MACROD2: variants seen among roughly 807,000 people sequenced by gnomAD.
The protein encoded by MACROD2 is mono-ADP ribosylhydrolase 2, also known as ADP-ribose glycohydrolase MACROD2.
MACROD2 carries 36 observed loss-of-function variants against 70.4 expected under a neutral mutation model. The ratio of observed to expected loss-of-function variants is 0.51; its 90% CI spans 0.39 to 0.68. MACROD2 has a LOEUF of 0.68. Ranked by LOEUF, MACROD2 falls within the 30% of genes least tolerant of loss-of-function variation. MACROD2 has a pLI of 0.00. For synonymous variants in MACROD2, 172 were observed against 178.8 expected (o/e 0.96, Z 0.30); for missense variants, 496 against 538.4 (o/e 0.92, Z 0.78).
At chr20:14,543,864 T>A (rs2085461343) in intron 4 of MACROD2, among the ~76,000 whole-genome samples, 1 of 152,228 alleles carries the variant, frequency 6.6e-6, no homozygotes, top group Admixed American at 6.5e-5. Context: ...TTCTCTTTCC[T>A]ATCAGTCTCC....
chr20:14,151,369 A>G (rs533165106), intron 3 of MACROD2, among the ~76,000 whole-genome samples: 83 of 152,192 alleles, frequency 5.5e-4, no homozygotes, highest in African/African-American at 1.6e-3. Context: ...TTTTGTGTGT[A>G]TAGTATTTTG....
At chr20:15,993,347 T>G (rs948535939) in intron 15 of MACROD2, among the ~76,000 whole-genome samples, 2 of 151,942 alleles carry the variant, frequency 1.3e-5, no homozygotes, top group Admixed American at 1.3e-4. Flanking sequence ...CCCATAAGAT[T>G]ATGATGCTAC....
At chr20:15,259,182 TAACAAC>T (rs145254296) in intron 6 of MACROD2, among the ~76,000 whole-genome samples, 2 of 151,280 alleles carry the variant, frequency 1.3e-5, no homozygotes, top group Admixed American at 6.6e-5. Context: ...GGTAATTTTT[TAACAAC>T]AACAACAACA....
intron 3 of MACROD2, among the ~76,000 whole-genome samples, chr20:14,109,870 G>GT (rs1022740812): frequency 6.6e-6 from 1 of 151,356 alleles, no homozygotes; most frequent in African/African-American, 2.4e-5. Context: ...AAGTCATTCT[G>GT]TAAGGCAAGT....
chr20:14,247,746 A>G (rs1204066898), intron 3 of MACROD2, among the ~76,000 whole-genome samples: 1 of 152,228 alleles, frequency 6.6e-6, no homozygotes, highest in Non-Finnish European at 1.5e-5. Flanking sequence ...CATTCATAAC[A>G]GAACAAGAAA....
chr20:16,030,882 T>C (rs2147580847), intron 15 of MACROD2, among the ~76,000 whole-genome samples: 1 of 152,240 alleles, frequency 6.6e-6, no homozygotes, highest in African/African-American at 2.4e-5. Flanking sequence ...GGAAGCTGAA[T>C]TGATGATCTA....
Position 15,460,993 on chromosome 20 carries a change from TATATATATA to T in MACROD2, c.571+29559_571+29567del, listed in dbSNP as rs1324178119. ...CTCTCTCTCCATATATATATATATA[TATATATATA>T]TATATTTTTTTTTAATAGATGGGGT... On this transcript the variant is annotated intron_variant, in intron 7 of 17. Coordinates refer to ENST00000684519, the MANE Select transcript of MACROD2 (RefSeq NM_001351661.2). 2.9e-4 allele frequency among the ~76,000 whole-genome samples: 24 copies of T among 81,560 alleles called. 1 individual carries two copies. The highest frequency in any genetic ancestry group is 1.1e-3 in the African/African-American group (22 of 19,984). 53.5% of individuals were successfully genotyped at this position (81,560 alleles called of 152,430 possible).
intron 15 of MACROD2, among the ~76,000 whole-genome samples, chr20:15,987,773 T>G (rs954734162): frequency 2.6e-5 from 4 of 152,306 alleles, no homozygotes; most frequent in African/African-American, 9.6e-5. Flanking sequence ...AGAAATATTT[T>G]TAAAAATGTG....
At chr20:15,246,673 G>A (rs1386822573) in intron 6 of MACROD2, among the ~76,000 whole-genome samples, 4 of 152,132 alleles carry the variant, frequency 2.6e-5, no homozygotes, top group African/African-American at 9.7e-5. Context: ...TCCTCAAAAA[G>A]TTAAACACAG....
At chr20:15,901,280 C>T (rs886338564) in intron 10 of MACROD2, among the ~76,000 whole-genome samples, 6 of 151,990 alleles carry the variant, frequency 3.9e-5, no homozygotes, top group Non-Finnish European at 8.8e-5. Flanking sequence ...TCTTCAAGTC[C>T]AGATTCCCAA....
intron 3 of MACROD2, chr20:14,324,608 A>G (rs2082705278): frequency 6.6e-6 from 1 of 152,116 alleles, no homozygotes; most frequent in Non-Finnish European, 1.5e-5. Context: ...TTACATTTTT[A>G]ATATGCATAA....
intron 5 of MACROD2, among the ~76,000 whole-genome samples, chr20:14,933,297 T>C (rs2074312520): frequency 6.6e-6 from 1 of 152,178 alleles, no homozygotes; most frequent in Non-Finnish European, 1.5e-5. Context: ...GAAGGATAAT[T>C]AAAATGCTAG....
chr20:15,331,807 TAC>T (rs939306849), intron 6 of MACROD2, among the ~76,000 whole-genome samples: 2 of 151,548 alleles, frequency 1.3e-5, no homozygotes, highest in African/African-American at 4.9e-5. Flanking sequence ...TATGCAAACA[TAC>T]ACACACATGC....
chr20:15,777,955 C>T (rs140281157), intron 8 of MACROD2, among the ~76,000 whole-genome samples: 265 of 152,144 alleles, frequency 1.7e-3, no homozygotes, highest in African/African-American at 6.2e-3. Flanking sequence ...CCCACCAGAG[C>T]CAGGTTTAGA....
chr20:14,037,063 G>A (rs375715240), intron 2 of MACROD2, among the ~76,000 whole-genome samples: 9 of 152,254 alleles, frequency 5.9e-5, no homozygotes, highest in Middle Eastern at 3.4e-3. Flanking sequence ...ATAATGAAGC[G>A]TGTCAGATGT....
At chr20:14,355,799 G>A (rs1257733002) in intron 3 of MACROD2, among the ~76,000 whole-genome samples, 2 of 152,288 alleles carry the variant, frequency 1.3e-5, no homozygotes, top group East Asian at 3.9e-4. Flanking sequence ...TAATACAAGT[G>A]TTATTAAAAA....
intron 5 of MACROD2, among the ~76,000 whole-genome samples, chr20:14,963,237 G>A (rs1031812174): frequency 6.6e-6 from 1 of 152,072 alleles, no homozygotes; most frequent in Non-Finnish European, 1.5e-5. Context: ...TTGAGGGTGG[G>A]TGTCAGCTTA....
chr20:14,718,748 C>T (rs901294454), intron 5 of MACROD2, among the ~76,000 whole-genome samples: 1 of 151,612 alleles, frequency 6.6e-6, no homozygotes, highest in Non-Finnish European at 1.5e-5. Context: ...TGTTTGGAAA[C>T]TTTTCCAGAA....
chr20:15,898,276 C>G (rs1046150580), intron 10 of MACROD2, among the ~76,000 whole-genome samples: 13 of 152,060 alleles, frequency 8.5e-5, no homozygotes, highest in Non-Finnish European at 1.6e-4. Flanking sequence ...TCAGCTTCAC[C>G]TGGAAGCTCA....
Sources: gnomAD v4.1 joint callset for allele counts (sites outside exome capture counted in the v4.1 genomes callset) on GRCh38, gnomAD v4.1.1 for gene constraint, MANE v1.5 for transcripts, NCBI Gene and HGNC (gene_info 2026-07-23, HGNC 2026-07-21) for gene names.